The following ZNF385D variants were observed in gnomAD, a reference collection of about 807,000 sequenced individuals.
The protein encoded by ZNF385D is zinc finger protein 659.
A neutral mutation model predicts 35.8 loss-of-function variants in ZNF385D; 15 were observed. The ratio of observed to expected loss-of-function variants is 0.42; its 90% CI spans 0.28 to 0.64. The LOEUF (loss-of-function observed/expected upper bound fraction) is 0.64. Among genes scored for constraint, ZNF385D ranks in the 30% least tolerant of loss-of-function variants. ZNF385D has a pLI of 0.23. For synonymous variants in ZNF385D, 212 were observed against 186.8 expected (o/e 1.13, Z -1.10); for missense variants, 474 against 494.6 (o/e 0.96, Z 0.39).
At chr3:22,053,035 A>G (rs1173645304) in intron 3 of ZNF385D, among the ~76,000 whole-genome samples, 1 of 77,526 alleles carries the variant, frequency 1.3e-5, no homozygotes, top group Non-Finnish European at 2.6e-5. Context: ...ACCCAGTTCG[A>G]GCTTCCCGGC....
At chr3:21,579,848 G>C (rs1215914609) in intron 2 of ZNF385D, 2 of 151,326 alleles carry the variant, frequency 1.3e-5, no homozygotes, top group African/African-American at 4.9e-5. Context: ...TTCTCCCTGT[G>C]TCTCTCTGTC....
At position 22,052,927 on chromosome 3, in the gene ZNF385D, C is replaced by T. The variant is rs1364835727; in HGVS notation, c.325+115890G>A. ...AGCTGTCAGACAGGGACACTTAAGTCTGCAGAGGTTACTGCTGTCTTTTTG... is the reference window on the plus strand; with the variant it reads ...AGCTGTCAGACAGGGACACTTAAGTTTGCAGAGGTTACTGCTGTCTTTTTG... On this transcript the variant is annotated intron_variant, in intron 3 of 5. Transcript: ENST00000494108. Among the ~76,000 whole-genome samples the T allele has an allele frequency of 3.6e-5, 2 of 55,524 alleles. 1 individual carries two copies. The highest frequency in any genetic ancestry group is 2.1e-3 in the South Asian group (2 of 960). 36.4% of individuals were successfully genotyped at this position (55,524 alleles called of 152,430 possible).
At chr3:21,794,793 A>T (rs1261858632) in intron 3 of ZNF385D, among the ~76,000 whole-genome samples, 3 of 152,176 alleles carry the variant, frequency 2.0e-5, no homozygotes, top group African/African-American at 7.2e-5. Context: ...AAAAAGGCTC[A>T]ATCTGAAACC....
intron 3 of ZNF385D, among the ~76,000 whole-genome samples, chr3:21,956,520 A>G (rs1056607729): frequency 5.3e-5 from 8 of 151,974 alleles, no homozygotes; most frequent in Non-Finnish European, 8.8e-5. Flanking sequence ...CCTTGGAAAA[A>G]CTAAATACTT....
chr3:22,206,965 A>G (rs1207929454), intron 2 of ZNF385D, among the ~76,000 whole-genome samples: 1 of 151,906 alleles, frequency 6.6e-6, no homozygotes, highest in Non-Finnish European at 1.5e-5. Flanking sequence ...CTACAAAATG[A>G]AAAGTTTTTT....
chr3:21,713,332 A>G (rs1448928412), intron 1 of ZNF385D, among the ~76,000 whole-genome samples: 1 of 152,160 alleles, frequency 6.6e-6, no homozygotes, highest in African/African-American at 2.4e-5. Context: ...GTGCTCTGCA[A>G]TCTTCTTCAA....
At chr3:21,811,762 G>C (rs1005593657) in intron 3 of ZNF385D, among the ~76,000 whole-genome samples, 1 of 152,170 alleles carries the variant, frequency 6.6e-6, no homozygotes, top group Non-Finnish European at 1.5e-5. Flanking sequence ...AATTCATGGA[G>C]AAGAGGAGAA....
intron 3 of ZNF385D, among the ~76,000 whole-genome samples, chr3:21,802,564 T>A (rs1034545614): frequency 6.7e-6 from 1 of 149,618 alleles, no homozygotes; most frequent in Non-Finnish European, 1.5e-5. Context: ...TAAAAAAAAA[T>A]AGCATCTGCA....
At position 22,317,027 on chromosome 3, in the gene ZNF385D, G is replaced by A. The variant is rs147703585; in HGVS notation, c.106+55423C>T. 4.2e-3 allele frequency among the ~76,000 whole-genome samples: 641 copies of A among 151,810 alleles called. 4 individuals are homozygous for A. The highest frequency in any genetic ancestry group is 0.015 in the African/African-American group (612 of 41,406). On this transcript the variant is annotated intron_variant, in intron 2 of 5. Transcript: ENST00000494108. ...GAGCAGTGACTCACCCCTGAAATCC[G>A]AACACTTTGGGAGGCCGAGGTGGGC...
intron 3 of ZNF385D, among the ~76,000 whole-genome samples, chr3:21,890,951 G>C (rs192528949): frequency 2.0e-5 from 3 of 152,252 alleles, no homozygotes; most frequent in East Asian, 1.9e-4. Flanking sequence ...TTCAAGGTGG[G>C]AGAAGAGAAA....
intron 3 of ZNF385D, among the ~76,000 whole-genome samples, chr3:22,048,619 A>T (rs1359801227): frequency 6.6e-6 from 1 of 152,124 alleles, no homozygotes; most frequent in African/African-American, 2.4e-5. Flanking sequence ...TGTTTTTGTA[A>T]CAGTACCATG....
rs183379469 is a variant in ZNF385D, at chr3:22,059,948, G to T, written c.325+108869C>A. On this transcript the variant is annotated intron_variant, in intron 3 of 5. Coordinates refer to the ZNF385D transcript ENST00000494108. ...CATCTAATCATTGAAGATCCAGATA[G>T]ACCTGGATAAAAGTGAAGGGAGGGT... Among the ~76,000 whole-genome samples the T allele has an allele frequency of 6.6e-5, 10 of 152,296 alleles. No individual in the cohort carries two copies. In the East Asian group the frequency reaches 1.9e-3, roughly 29 times the overall value.
At chr3:21,458,082 A>G (rs1448840423) in intron 4 of ZNF385D, among the ~76,000 whole-genome samples, 1 of 152,126 alleles carries the variant, frequency 6.6e-6, no homozygotes, top group African/African-American at 2.4e-5. Context: ...TGAGATTAAA[A>G]CTAGCAATGC....
intron 3 of ZNF385D, among the ~76,000 whole-genome samples, chr3:21,995,947 A>G (rs962912650): frequency 6.6e-6 from 1 of 152,050 alleles, no homozygotes; most frequent in South Asian, 2.1e-4. Context: ...TGTGTGGGCT[A>G]GAGTGCTGGG....
intron 6 of ZNF385D, among the ~76,000 whole-genome samples, chr3:21,424,317 A>ATATTT (rs1221923155): frequency 3.3e-4 from 21 of 63,748 alleles, no homozygotes; most frequent in East Asian, 2.5e-3. Flanking sequence ...ATATATATAT[A>ATATTT]TTTTTTTTTT....
intron 3 of ZNF385D, among the ~76,000 whole-genome samples, chr3:22,088,176 T>C (rs1051475377): frequency 6.6e-6 from 1 of 152,184 alleles, no homozygotes; most frequent in African/African-American, 2.4e-5. Context: ...AGAATACCCT[T>C]CTGCCCATGA....
At position 21,862,869 on chromosome 3, in the gene ZNF385D, A is replaced by G. The variant is rs193116136; in HGVS notation, c.326-197841T>C. On this transcript the variant is annotated intron_variant, in intron 3 of 5. Transcript: ENST00000494108. Reference sequence around the variant, plus strand: ...GTCAAACTGAACTGTTAGCTCAGTTACAAGTGGTCTCAGCTGTTTCAGAAT... The same window carrying G: ...GTCAAACTGAACTGTTAGCTCAGTTGCAAGTGGTCTCAGCTGTTTCAGAAT... 1.8e-3 allele frequency among the ~76,000 whole-genome samples: 270 copies of G among 152,310 alleles called. 3 individuals are homozygous for G. In the East Asian group the frequency reaches 0.043, roughly 24 times the overall value.
chr3:21,971,464 C>A (rs1038128013), intron 3 of ZNF385D, among the ~76,000 whole-genome samples: 5 of 149,212 alleles, frequency 3.4e-5, no homozygotes, highest in Non-Finnish European at 4.5e-5. Flanking sequence ...AATCTCAAAT[C>A]AAAAAAAATA....
chr3:21,866,138 A>G (rs910372166), intron 3 of ZNF385D, among the ~76,000 whole-genome samples: 2 of 151,876 alleles, frequency 1.3e-5, no homozygotes, highest in African/African-American at 4.8e-5. Flanking sequence ...TTTTATTTTG[A>G]TTTTATAAAT....
Sources: allele counts gnomAD v4.1 joint callset (sites outside exome capture counted in the v4.1 genomes callset), GRCh38; gene constraint gnomAD v4.1.1; transcripts MANE v1.5; gene names NCBI Gene and HGNC (gene_info 2026-07-23, HGNC 2026-07-21).